The following NRXN1 variants were observed in gnomAD, a reference collection of about 807,000 sequenced individuals.
NRXN1 encodes the protein neurexin-1.
Under a neutral mutation model 150.9 loss-of-function variants are expected in NRXN1, and 39 were observed. The observed-to-expected ratio is 0.26, with a 90% CI of 0.20 to 0.34. NRXN1 has a LOEUF of 0.34. Ranked by LOEUF, NRXN1 falls within the 10% of genes least tolerant of loss-of-function variation. The pLI, the probability that NRXN1 is intolerant of heterozygous loss-of-function variation, is 1.00. For missense variants in NRXN1, 1,815 were observed against 1,949.9 expected, an observed-to-expected ratio of 0.93 and a Z score of 1.30; for synonymous variants, 924 against 757.0, an observed-to-expected ratio of 1.22 and a Z score of -3.62.
chr2:50,538,558 A>C lies in NRXN1; in HGVS notation c.1838T>G (p.Leu613Trp), dbSNP rs774620647. ...ESEILDLDDE[L>W]YLGGLPENKA... is the part of the protein sequence containing the mutation. ...ATTTTCTGGCAGCCCCCCCAGGTAC[A>C]ACTCATCATCCAGGTCCAGAATCTC... The change falls in exon 10 of 23, where the codon TTG (leucine) becomes TGG (tryptophan). Residue 613 changes from leucine to tryptophan, a missense_variant. Physicochemically the swap from Leu to Trp is moderately conservative, Grantham distance 61 (BLOSUM62 -2). Transcript: ENST00000401669. 8.3e-6 allele frequency: 13 copies of C among 1,574,854 alleles called. No individual in the cohort carries two copies. In the South Asian group the frequency reaches 1.4e-4, roughly 17 times the overall value.
At chr2:51,015,195 T>G (rs1668478539) in intron 2 of NRXN1, among the ~76,000 whole-genome samples, 1 of 151,984 alleles carries the variant, frequency 6.6e-6, no homozygotes, top group Non-Finnish European at 1.5e-5. Context: ...CTCTCTCAAT[T>G]TACTTTAATC....
At chr2:49,977,175 G>T (rs1301252382) in intron 21 of NRXN1, among the ~76,000 whole-genome samples, 1 of 151,976 alleles carries the variant, frequency 6.6e-6, no homozygotes, top group Non-Finnish European at 1.5e-5. Flanking sequence ...AAAATGAATT[G>T]GCCAAATTAA....
chr2:50,165,018 C>T (rs571919386), intron 18 of NRXN1, among the ~76,000 whole-genome samples: 1 of 152,186 alleles, frequency 6.6e-6, no homozygotes, highest in South Asian at 2.1e-4. Flanking sequence ...TTTCTGAAAG[C>T]AAGAGACTCT....
intron 5 of NRXN1, among the ~76,000 whole-genome samples, chr2:50,894,935 G>A (rs994290589): frequency 6.6e-6 from 1 of 151,976 alleles, no homozygotes; most frequent in African/African-American, 2.4e-5. Context: ...GTTATTCCTA[G>A]AAATATAAAA....
chr2:50,436,049 T>G (rs13407657), intron 17 of NRXN1, among the ~76,000 whole-genome samples: 50,585 of 151,976 alleles, frequency 0.33, 9,097 homozygotes, highest in African/African-American at 0.46. Context: ...CTTATCCAAG[T>G]TTAAAAAAGA....
chr2:50,280,105 C>T (rs897511154), intron 17 of NRXN1, among the ~76,000 whole-genome samples: 1 of 151,808 alleles, frequency 6.6e-6, no homozygotes. Flanking sequence ...GGTGAGCCCT[C>T]GTCTCTACTA....
chr2:50,979,857 T>G (rs1406222684), intron 2 of NRXN1, among the ~76,000 whole-genome samples: 3 of 152,278 alleles, frequency 2.0e-5, no homozygotes, highest in South Asian at 2.1e-4. Flanking sequence ...GAAAGAGAGC[T>G]GAAGCACACA....
chr2:50,610,746 AATTAT>A (rs1042241702), intron 8 of NRXN1, among the ~76,000 whole-genome samples: 4 of 127,720 alleles, frequency 3.1e-5, no homozygotes, highest in African/African-American at 9.4e-5. Context: ...CATAGCTTGT[AATTAT>A]ATTTATATAT....
chr2:50,585,781 G>A (rs1235667137), intron 8 of NRXN1, among the ~76,000 whole-genome samples: 1 of 152,144 alleles, frequency 6.6e-6, no homozygotes. Context: ...AAGAAGAGCA[G>A]TGTACTCATT....
intron 9 of NRXN1, among the ~76,000 whole-genome samples, chr2:50,551,105 G>GGAGAGA (rs1558922734): frequency 2.7e-5 from 3 of 110,426 alleles, no homozygotes; most frequent in East Asian, 4.8e-4. Context: ...GGAGGAGGAG[G>GGAGAGA]GAGGGGGAGG....
chr2:50,142,009 T>C (rs904216401), intron 18 of NRXN1, among the ~76,000 whole-genome samples: 2 of 152,040 alleles, frequency 1.3e-5, no homozygotes, highest in African/African-American at 4.8e-5. Flanking sequence ...TATCACCATG[T>C]TTGTTGCAGT....
At chr2:50,149,847 C>G (rs980536601) in intron 18 of NRXN1, among the ~76,000 whole-genome samples, 4 of 151,498 alleles carry the variant, frequency 2.6e-5, no homozygotes, top group African/African-American at 9.7e-5. Flanking sequence ...CTTGAGCCCC[C>G]AGAAATAGGC....
At position 50,829,766 on chromosome 2, in the gene NRXN1, C is replaced by T. The variant is rs573603360; in HGVS notation, c.832+92103G>A. On this transcript the variant is annotated intron_variant, in intron 5 of 22. Transcript: ENST00000401669. The stretch of plus-strand genomic sequence containing the variant: ...TTGCACGGCATGGCCCGCTTAAGTG[C>T]CACTCAGCCCTAATGTTTTTATTTA... 6.4e-6 allele frequency: 10 copies of T among 1,558,436 alleles called. No individual in the cohort carries two copies. In the African/African-American group the frequency reaches 1.2e-4, roughly 19 times the overall value.
intron 18 of NRXN1, among the ~76,000 whole-genome samples, chr2:50,131,536 C>A (rs1260721760): frequency 6.6e-6 from 1 of 152,126 alleles, no homozygotes. Flanking sequence ...TCTCTGTGAT[C>A]TCCAAAGAGC....
intron 17 of NRXN1, among the ~76,000 whole-genome samples, chr2:50,344,840 C>T (rs983343617): frequency 1.3e-5 from 2 of 152,152 alleles, no homozygotes; most frequent in African/African-American, 4.8e-5. Context: ...GATTATTAGC[C>T]AAGTGCTTCC....
At chr2:50,553,084 T>A (rs1667763569) in intron 8 of NRXN1, 59 bp from the exon 9 acceptor site, 2 of 1,203,956 alleles carry the variant, frequency 1.7e-6, no homozygotes, top group Non-Finnish European at 2.3e-6. Flanking sequence ...CTGAAACTTG[T>A]GAACAGCTCA....
At chr2:50,956,370 C>T (rs1486502094) in intron 2 of NRXN1, among the ~76,000 whole-genome samples, 2 of 152,104 alleles carry the variant, frequency 1.3e-5, no homozygotes, top group East Asian at 3.8e-4. Flanking sequence ...GGAACATATT[C>T]CCCTCATGTA....
Position 50,347,096 on chromosome 2 carries a change from C to G in NRXN1, c.3365-110126G>C, listed in dbSNP as rs1007061608. The G allele has an allele frequency of 7.2e-7, 1 of 1,386,332 alleles. No individual in the cohort carries two copies. The highest frequency in any genetic ancestry group is 9.5e-7 in the Non-Finnish European group (1 of 1,053,826). The allele number at this position is 1,386,332 out of a possible 1,614,324, so 85.9% of individuals were successfully genotyped here. ...CAGGGCACCCATCCTCTCCCTCCTT[C>G]GGACAGTCTTCTCGGGGTCCTGGAG... On this transcript the variant is annotated intron_variant, in intron 17 of 22. Transcript: ENST00000401669. This position sits in a 1 kb window ranked among gnomAD's most constrained non-coding sequence, Gnocchi z 4.9.
intron 5 of NRXN1, among the ~76,000 whole-genome samples, chr2:50,736,192 A>G (rs1204152506): frequency 6.6e-6 from 1 of 152,156 alleles, no homozygotes; most frequent in Non-Finnish European, 1.5e-5. Flanking sequence ...ACCTTTGAAC[A>G]TGCTGTGTTT....
Sources: gnomAD v4.1 joint callset for allele counts (sites outside exome capture counted in the v4.1 genomes callset) on GRCh38, gnomAD v4.1.1 for gene constraint, Gnocchi (gnomAD v3.1) non-coding constraint, MANE v1.5 for transcripts, NCBI Gene and HGNC (gene_info 2026-07-23, HGNC 2026-07-21) for gene names.